Variants in ADAMTS3 observed in about 807,000 individuals in gnomAD.
ADAMTS3 encodes A disintegrin and metalloproteinase with thrombospondin motifs 3.
A neutral mutation model predicts 129.0 loss-of-function variants in ADAMTS3; 73 were observed. That is an observed-to-expected ratio of 0.57 (90% CI 0.47 to 0.69). ADAMTS3 has a LOEUF of 0.69. Ranked by LOEUF, ADAMTS3 falls within the 30% of genes least tolerant of loss-of-function variation. ADAMTS3 has a pLI of 0.00. For synonymous variants in ADAMTS3, 477 were observed against 510.8 expected (o/e 0.93, Z 0.89); for missense variants, 1,457 against 1,514.5 (o/e 0.96, Z 0.63).
At chr4:72,448,813 G>A (rs1479995945) in intron 3 of ADAMTS3, among the ~76,000 whole-genome samples, 1 of 151,568 alleles carries the variant, frequency 6.6e-6, no homozygotes, top group East Asian at 2.0e-4. Flanking sequence ...TATTATAGAA[G>A]TGCATTGGTG....
intron 4 of ADAMTS3, among the ~76,000 whole-genome samples, chr4:72,384,126 A>G (rs1467253955): frequency 6.6e-6 from 1 of 152,140 alleles, no homozygotes; most frequent in Admixed American, 6.5e-5. Flanking sequence ...AAAAGAAGAA[A>G]GAGAAAACAG....
chr4:72,501,339 A>G (rs1720016346), intron 3 of ADAMTS3, among the ~76,000 whole-genome samples: 1 of 152,136 alleles, frequency 6.6e-6, no homozygotes, highest in African/African-American at 2.4e-5. Flanking sequence ...CTCTTTGGTT[A>G]CATGTATTCC....
At chr4:72,362,318 A>C (rs1720749708) in intron 4 of ADAMTS3, among the ~76,000 whole-genome samples, 4 of 152,158 alleles carry the variant, frequency 2.6e-5, no homozygotes, top group Admixed American at 2.6e-4. Flanking sequence ...ACAACTCTTA[A>C]AGCAAAATCT....
At position 72,319,945 on chromosome 4, in the gene ADAMTS3, C is replaced by G; in HGVS notation, c.1121G>C (p.Gly374Ala). 6.2e-7 allele frequency: 1 copy of G among 1,613,298 alleles called. No individual in the cohort carries two copies. Among genetic ancestry groups the G allele is most frequent in the Non-Finnish European group, 8.5e-7 (1 of 1,179,390 alleles). The change falls in exon 8 of 22, where the codon GGC (glycine) becomes GCC (alanine). Residue 374 changes from glycine to alanine, a missense_variant. Physicochemically the swap from Gly to Ala is moderately conservative, Grantham distance 60. Coordinates refer to ENST00000286657, the MANE Select transcript of ADAMTS3 (RefSeq NM_014243.3). ...ACAACTTCTCACTGGATGACACATG[C>G]CGGTGACTGGAGCATATCCTGTAGA... Reference protein sequence around the residue: ...AGMQGYAPVTGMCHPVRSCTL... With the variant: ...AGMQGYAPVTAMCHPVRSCTL...
intron 3 of ADAMTS3, among the ~76,000 whole-genome samples, chr4:72,484,011 C>T (rs1436470275): frequency 6.6e-6 from 1 of 151,880 alleles, no homozygotes; most frequent in African/African-American, 2.4e-5. Context: ...GAGCAGGACT[C>T]CGTCTCAAAA....
Position 72,298,463 on chromosome 4 carries a change from A to G in ADAMTS3, c.2425-21T>C, listed in dbSNP as rs1282386810. The G allele has an allele frequency of 1.9e-6, 3 of 1,548,576 alleles. No individual in the cohort carries two copies. The Admixed American group carries it at 5.3e-5, about 27-fold the overall frequency. ...ATAATCTAACATACACATGAAATCA[A>G]TATGTAAATCACCTGAGGGTTTTAA... On this transcript the variant is annotated intron_variant, in intron 17 of 21. Transcript: ENST00000286657.
intron 4 of ADAMTS3, among the ~76,000 whole-genome samples, chr4:72,408,320 G>A (rs1248088439): frequency 1.3e-5 from 2 of 151,860 alleles, no homozygotes; most frequent in Non-Finnish European, 2.9e-5. Context: ...GAAGACAGAG[G>A]GTAGTGAGAA....
intron 14 of ADAMTS3, 38 bp downstream of exon 14, chr4:72,311,010 T>C: frequency 6.5e-7 from 1 of 1,536,024 alleles, no homozygotes; most frequent in Non-Finnish European, 8.8e-7. Flanking sequence ...TAAACGTAGA[T>C]AACGTAGAAA....
chr4:72,361,703 C>T (rs1268697660), intron 4 of ADAMTS3, among the ~76,000 whole-genome samples: 1 of 152,084 alleles, frequency 6.6e-6, no homozygotes, highest in Non-Finnish European at 1.5e-5. Flanking sequence ...CCCATGATCA[C>T]TGCAAAACAC....
At position 72,548,793 on chromosome 4, in the gene ADAMTS3, C is replaced by T. The variant is rs777768285; in HGVS notation, c.189G>A (p.Ala63=). 28 of 1,613,716 alleles carry T rather than the reference C, an allele frequency of 1.7e-5. No individual in the cohort carries two copies. The South Asian group carries it at 2.0e-4, about 11-fold the overall frequency. ...CCCTCGCTGACCTCTTTTTGTGACT[C>T]GCAGAAAGAGTATGGGAGAGATAGC... ...EGRYLSHTLS[A]SHKKRSARDV... Residue 63 remains alanine (A), a synonymous_variant, in exon 3 of 22, where the codon GCG becomes GCA. Transcript: ENST00000286657.
intron 4 of ADAMTS3, among the ~76,000 whole-genome samples, chr4:72,367,945 T>C (rs1467523767): frequency 1.3e-5 from 2 of 152,116 alleles, no homozygotes; most frequent in Non-Finnish European, 2.9e-5. Flanking sequence ...TTTAACTCTT[T>C]GGATGTTATA....
At chr4:72,455,978 AGT>A in intron 3 of ADAMTS3, among the ~76,000 whole-genome samples, 1 of 72,158 alleles carries the variant, frequency 1.4e-5, no homozygotes, top group African/African-American at 5.6e-5. Flanking sequence ...TTTTACATAT[AGT>A]ATATATACTA....
At chr4:72,430,947 G>A (rs1181948224) in intron 3 of ADAMTS3, among the ~76,000 whole-genome samples, 3 of 151,800 alleles carry the variant, frequency 2.0e-5, no homozygotes, top group Admixed American at 6.6e-5. Context: ...AAAGGAATCA[G>A]TAACAGATAG....
chr4:72,349,465 T>G (rs2109842511), intron 4 of ADAMTS3, among the ~76,000 whole-genome samples: 1 of 152,176 alleles, frequency 6.6e-6, no homozygotes, highest in Non-Finnish European at 1.5e-5. Context: ...GTCTAGTAAC[T>G]TATCACAATA....
chr4:72,543,908 G>A (rs1721398303), intron 3 of ADAMTS3, among the ~76,000 whole-genome samples: 1 of 151,954 alleles, frequency 6.6e-6, no homozygotes. Flanking sequence ...AATATTGGAA[G>A]AAAAAGTAGG....
chr4:72,305,785 GTACGCACATA>G (rs1719070165), intron 16 of ADAMTS3, among the ~76,000 whole-genome samples, 192 bp downstream of exon 16: 1 of 151,428 alleles, frequency 6.6e-6, no homozygotes, highest in South Asian at 2.1e-4. Context: ...ACATGCACAT[GTACGCACATA>G]TACGCATGCA....
chr4:72,413,890 T>C (rs183938980), intron 4 of ADAMTS3, among the ~76,000 whole-genome samples: 288 of 151,256 alleles, frequency 1.9e-3, no homozygotes, highest in African/African-American at 6.8e-3. Context: ...TCAAGATATG[T>C]TAACTTTAAA....
chr4:72,461,535 C>T (rs1211014362), intron 3 of ADAMTS3, among the ~76,000 whole-genome samples: 3 of 151,742 alleles, frequency 2.0e-5, no homozygotes, highest in Non-Finnish European at 4.4e-5. Flanking sequence ...ATATAAGCAA[C>T]TAATAGAGAT....
chr4:72,568,619 G>A (rs529287157), intron 1 of ADAMTS3, 75 bp downstream of exon 1: 3 of 1,093,730 alleles, frequency 2.7e-6, no homozygotes, highest in African/African-American at 1.6e-5. Context: ...AAAGAGAGGA[G>A]GGTAGAGAGG....
Sources: gnomAD v4.1 joint callset for allele counts (sites outside exome capture counted in the v4.1 genomes callset) on GRCh38, gnomAD v4.1.1 for gene constraint, MANE v1.5 for transcripts, NCBI Gene and HGNC (gene_info 2026-07-23, HGNC 2026-07-21) for gene names.